The following ELMO1 variants were observed in gnomAD, a reference collection of about 807,000 sequenced individuals.
ELMO1 encodes the protein engulfment and cell motility protein 1.
ELMO1 carries 26 observed loss-of-function variants against 98.9 expected under a neutral mutation model. That is an observed-to-expected ratio of 0.26 (90% CI 0.19 to 0.36). ELMO1 has a LOEUF of 0.36. ELMO1 is among the 10% of genes least tolerant of loss of function. The pLI, the probability that ELMO1 is intolerant of heterozygous loss-of-function variation, is 1.00. For missense variants in ELMO1, 627 were observed against 935.2 expected, an observed-to-expected ratio of 0.67 and a Z score of 4.30; for synonymous variants, 346 against 346.0, an observed-to-expected ratio of 1.00 and a Z score of 0.00.
At chr7:37,400,485 A>G (rs567445997) in intron 1 of ELMO1, among the ~76,000 whole-genome samples, 9 of 152,236 alleles carry the variant, frequency 5.9e-5, no homozygotes, top group Non-Finnish European at 1.2e-4. Context: ...GCATATATGC[A>G]AATTACAAAG....
At chr7:37,381,758 T>C (rs1163611474) in intron 1 of ELMO1, among the ~76,000 whole-genome samples, 2 of 152,124 alleles carry the variant, frequency 1.3e-5, no homozygotes, top group African/African-American at 4.8e-5. Flanking sequence ...TTCAACAGGG[T>C]TCCAGGATTG....
At chr7:37,277,284 CAG>C (rs750919033) in intron 4 of ELMO1, among the ~76,000 whole-genome samples, 4 of 152,268 alleles carry the variant, frequency 2.6e-5, no homozygotes, top group East Asian at 3.9e-4. Context: ...AGGTGTGATG[CAG>C]AGAGAGGGGA....
chr7:36,908,962 A>G (rs1336779937), intron 16 of ELMO1, among the ~76,000 whole-genome samples: 1 of 152,200 alleles, frequency 6.6e-6, no homozygotes, highest in Non-Finnish European at 1.5e-5. Flanking sequence ...CCTACCAAAT[A>G]GGGACTATCC....
intron 1 of ELMO1, among the ~76,000 whole-genome samples, chr7:37,406,925 A>T (rs1214673936): frequency 2.0e-5 from 3 of 152,244 alleles, no homozygotes; most frequent in South Asian, 4.1e-4. Context: ...AGAATTCATC[A>T]GTATTAACTG....
chr7:37,199,040 G>C (rs185539355), intron 13 of ELMO1, among the ~76,000 whole-genome samples: 1 of 152,238 alleles, frequency 6.6e-6, no homozygotes, highest in Non-Finnish European at 1.5e-5. Context: ...TGATAGGCGC[G>C]CCCCCTAGTG....
intron 16 of ELMO1, among the ~76,000 whole-genome samples, chr7:36,968,435 T>A (rs898097471): frequency 6.6e-6 from 1 of 152,224 alleles, no homozygotes; most frequent in Non-Finnish European, 1.5e-5. Flanking sequence ...GAGCAATGTA[T>A]ATATTTTATC....
intron 13 of ELMO1, among the ~76,000 whole-genome samples, chr7:37,196,816 G>T (rs552001205): frequency 6.6e-6 from 1 of 152,184 alleles, no homozygotes; most frequent in Admixed American, 6.5e-5. Context: ...CTCTAAAATA[G>T]ACATAATAAT....
intron 15 of ELMO1, among the ~76,000 whole-genome samples, chr7:37,046,857 G>A (rs1795823334): frequency 6.6e-6 from 1 of 152,196 alleles, no homozygotes; most frequent in Non-Finnish European, 1.5e-5. Flanking sequence ...AGTGATTCCA[G>A]TACAAAGAAC....
At chr7:37,070,213 C>T (rs1302792723) in intron 15 of ELMO1, among the ~76,000 whole-genome samples, 4 of 152,172 alleles carry the variant, frequency 2.6e-5, no homozygotes, top group Non-Finnish European at 4.4e-5. Flanking sequence ...TCCTCATCAC[C>T]CTACGTTCCT....
At chr7:37,214,614 G>A (rs534515288) in intron 11 of ELMO1, among the ~76,000 whole-genome samples, 1 of 152,198 alleles carries the variant, frequency 6.6e-6, no homozygotes, top group African/African-American at 2.4e-5. Context: ...AAGAGGACAG[G>A]GAGGAATGAG....
chr7:36,991,571 CT>C (rs781700774), intron 16 of ELMO1, among the ~76,000 whole-genome samples: 52 of 152,264 alleles, frequency 3.4e-4, no homozygotes, highest in Non-Finnish European at 6.0e-4. Context: ...GTCAGAAGAC[CT>C]TTTTACAGCT....
chr7:37,039,617 CAG>C (rs1795387133), intron 15 of ELMO1, among the ~76,000 whole-genome samples: 1 of 152,314 alleles, frequency 6.6e-6, no homozygotes, highest in African/African-American at 2.4e-5. Context: ...CTTATGGAAA[CAG>C]GGAAGCAGAA....
intron 1 of ELMO1, among the ~76,000 whole-genome samples, chr7:37,402,724 T>A (rs956194507): frequency 6.6e-6 from 1 of 152,210 alleles, no homozygotes; most frequent in Admixed American, 6.5e-5. Context: ...TCTCACCCAG[T>A]AGAACACACT....
chr7:37,326,554 CAAA>C (rs56148707), intron 2 of ELMO1, among the ~76,000 whole-genome samples: 1,021 of 102,074 alleles, frequency 0.01, 12 homozygotes, highest in African/African-American at 0.034. Context: ...GACTCCATCT[CAAA>C]AAAAAAAAAA....
chr7:37,194,843 T>C (rs1246682687), intron 13 of ELMO1, among the ~76,000 whole-genome samples: 1 of 152,280 alleles, frequency 6.6e-6, no homozygotes, highest in Non-Finnish European at 1.5e-5. Context: ...TCTATTTGTA[T>C]GATTCTCATA....
chr7:36,941,713 T>C lies in ELMO1; in HGVS notation c.1438-46696A>G, dbSNP rs144835746. Reference sequence around the variant, plus strand: ...TTTGGATCTCTAGGAAGAAGTTCCATGGCTTCAGTCTTGTGACCAGTCCTG... The same window carrying C: ...TTTGGATCTCTAGGAAGAAGTTCCACGGCTTCAGTCTTGTGACCAGTCCTG... On this transcript the variant is annotated intron_variant, in intron 16 of 21. Coordinates refer to ENST00000310758, the MANE Select transcript of ELMO1 (RefSeq NM_014800.11). 1.2e-4 allele frequency among the ~76,000 whole-genome samples: 18 copies of C among 152,354 alleles called. 1 individual carries two copies. The East Asian group carries it at 3.5e-3, about 29-fold the overall frequency.
chr7:37,444,443 T>C (rs1805528050), intron 1 of ELMO1, among the ~76,000 whole-genome samples: 1 of 152,206 alleles, frequency 6.6e-6, no homozygotes, highest in Admixed American at 6.5e-5. Flanking sequence ...GTGAAAAGCA[T>C]GTCACTTGAG....
chr7:36,908,283 G>A (rs1187459271), intron 16 of ELMO1, among the ~76,000 whole-genome samples: 1 of 152,104 alleles, frequency 6.6e-6, no homozygotes, highest in Non-Finnish European at 1.5e-5. Context: ...ACCTACTGAT[G>A]TTTAGCACAA....
intron 14 of ELMO1, among the ~76,000 whole-genome samples, chr7:37,102,600 C>T (rs1784698794): frequency 6.6e-6 from 1 of 152,210 alleles, no homozygotes; most frequent in African/African-American, 2.4e-5. Flanking sequence ...TAACAGCTAA[C>T]ATTTATAGAA....
Sources: allele counts gnomAD v4.1 joint callset (sites outside exome capture counted in the v4.1 genomes callset), GRCh38; gene constraint gnomAD v4.1.1; transcripts MANE v1.5; gene names NCBI Gene and HGNC (gene_info 2026-07-23, HGNC 2026-07-21).